The following LMBR1 variants were observed in gnomAD, a reference collection of about 807,000 sequenced individuals.
The protein encoded by LMBR1 is limb region 1 protein homolog.
A neutral mutation model predicts 73.9 loss-of-function variants in LMBR1; 52 were observed. That is an observed-to-expected ratio of 0.70 (90% CI 0.56 to 0.89). The LOEUF is 0.89. Among genes scored for constraint, LMBR1 ranks in the 40% least tolerant of loss-of-function variants. The pLI, the probability that LMBR1 is intolerant of heterozygous loss-of-function variation, is 0.00. For synonymous variants in LMBR1, 215 were observed against 209.4 expected (o/e 1.03, Z -0.23); for missense variants, 539 against 579.8 (o/e 0.93, Z 0.72).
intron 3 of LMBR1, among the ~76,000 whole-genome samples, chr7:156,831,645 G>A (rs762007413): frequency 1.3e-5 from 2 of 152,018 alleles, no homozygotes; most frequent in Non-Finnish European, 2.9e-5. Flanking sequence ...GAAACCACCC[G>A]TGACTCGGAA....
At chr7:156,820,924 G>A (rs1003850942) in intron 4 of LMBR1, among the ~76,000 whole-genome samples, 2 of 152,218 alleles carry the variant, frequency 1.3e-5, no homozygotes, top group Non-Finnish European at 2.9e-5. Context: ...GCCTTTGGCA[G>A]GTTCCTCTCA....
intron 5 of LMBR1, among the ~76,000 whole-genome samples, chr7:156,786,207 G>A (rs1828055580): frequency 6.9e-6 from 1 of 145,522 alleles, no homozygotes; most frequent in African/African-American, 2.6e-5. Flanking sequence ...GGGAAGGGAA[G>A]GGAAGGAAGG....
chr7:156,760,246 G>A (rs1263560721), intron 8 of LMBR1, among the ~76,000 whole-genome samples: 1 of 152,002 alleles, frequency 6.6e-6, no homozygotes, highest in Non-Finnish European at 1.5e-5. Context: ...AAAAACTTGG[G>A]GTTCACTATA....
chr7:156,844,329 A>C (rs61414661), intron 1 of LMBR1, among the ~76,000 whole-genome samples: 3,055 of 152,136 alleles, frequency 0.02, 108 homozygotes, highest in African/African-American at 0.069. Flanking sequence ...GTCTCACACA[A>C]AAAAAAGCTA....
At chr7:156,843,892 G>C (rs1839157131) in intron 1 of LMBR1, among the ~76,000 whole-genome samples, 1 of 151,032 alleles carries the variant, frequency 6.6e-6, no homozygotes, top group Non-Finnish European at 1.5e-5. Flanking sequence ...AGTGGTAGAT[G>C]AGAAAGCATG....
intron 4 of LMBR1, among the ~76,000 whole-genome samples, chr7:156,808,615 T>C (rs193286954): frequency 2.6e-4 from 39 of 152,336 alleles, no homozygotes; most frequent in Non-Finnish European, 4.0e-4. Flanking sequence ...ATCAACTTGC[T>C]TTTTGTTTTC....
At chr7:156,757,158 G>A (rs11773190) in intron 8 of LMBR1, among the ~76,000 whole-genome samples, 6,375 of 152,136 alleles carry the variant, frequency 0.042, 182 homozygotes, top group Non-Finnish European at 0.05. Context: ...AGCTAACTAC[G>A]GTAAATAACT....
intron 1 of LMBR1, among the ~76,000 whole-genome samples, chr7:156,861,322 CCT>C (rs1797686209): frequency 6.6e-6 from 1 of 152,194 alleles, no homozygotes; most frequent in African/African-American, 2.4e-5. Flanking sequence ...TTGTTTGGCC[CCT>C]TTTAGTCACA....
chr7:156,834,536 G>A (rs964902100), intron 2 of LMBR1: 7 of 316,796 alleles, frequency 2.2e-5, no homozygotes, highest in Non-Finnish European at 3.9e-5. Flanking sequence ...CCAGGAGGTC[G>A]AGGCTACAGT....
intron 15 of LMBR1, among the ~76,000 whole-genome samples, chr7:156,701,292 A>G (rs142415384): frequency 1.3e-5 from 2 of 152,354 alleles, no homozygotes; most frequent in East Asian, 1.9e-4. Context: ...GTTGTAAACA[A>G]CTCAAAGGTC....
intron 15 of LMBR1, among the ~76,000 whole-genome samples, chr7:156,710,485 G>T (rs904054494): frequency 1.3e-5 from 2 of 152,078 alleles, no homozygotes; most frequent in African/African-American, 2.4e-5. Flanking sequence ...AAAGAAAAAA[G>T]AATTTAAAAA....
At chr7:156,838,814 T>C (rs1838129946) in intron 1 of LMBR1, among the ~76,000 whole-genome samples, 1 of 152,178 alleles carries the variant, frequency 6.6e-6, no homozygotes, top group Admixed American at 6.5e-5. Flanking sequence ...ATAACGGCCA[T>C]ACTAATTTGC....
intron 1 of LMBR1, among the ~76,000 whole-genome samples, chr7:156,858,864 G>A (rs1000100545): frequency 2.0e-5 from 3 of 151,930 alleles, no homozygotes; most frequent in South Asian, 2.1e-4. Context: ...AGCCATTCAT[G>A]ATCAAGATTC....
At chr7:156,841,650 G>T (rs540696486) in intron 1 of LMBR1, among the ~76,000 whole-genome samples, 1 of 152,248 alleles carries the variant, frequency 6.6e-6, no homozygotes, top group Non-Finnish European at 1.5e-5. Flanking sequence ...CTGCTGACAG[G>T]CCAAGAAAGA....
intron 10 of LMBR1, among the ~76,000 whole-genome samples, chr7:156,730,430 T>A (rs1816625113): frequency 6.6e-6 from 1 of 152,040 alleles, no homozygotes; most frequent in African/African-American, 2.4e-5. Flanking sequence ...TATATCCTAG[T>A]ATGAAGGAAG....
chr7:156,892,805 C>A, intron 1 of LMBR1, 123 bp downstream of exon 1: 1 of 384,772 alleles, frequency 2.6e-6, no homozygotes, highest in Non-Finnish European at 3.8e-6. Flanking sequence ...CGGCAGAGGC[C>A]GGGGCGGGAG....
At chr7:156,703,419 G>A (rs895264088) in intron 15 of LMBR1, among the ~76,000 whole-genome samples, 13 of 152,174 alleles carry the variant, frequency 8.5e-5, no homozygotes, top group African/African-American at 2.9e-4. Context: ...GCCAGGATGG[G>A]GGCTGGGTGG....
rs1804850897 is a variant in LMBR1, at chr7:156,680,434, A to G, written c.*3644T>C. The G allele has an allele frequency of 7.2e-6, 1 of 138,820 alleles. No individual in the cohort carries two copies. The allele number at this position is 138,820 out of a possible 1,614,324, so 8.6% of individuals were successfully genotyped here. ...TGTGTGTGTGTGTGTGTAATGGGTTATTTCTTACTGTGGTCAAAAAGTTGA... is the reference window on the plus strand; with the variant it reads ...TGTGTGTGTGTGTGTGTAATGGGTTGTTTCTTACTGTGGTCAAAAAGTTGA... On this transcript the variant is annotated 3_prime_UTR_variant, in exon 17 of 17. Coordinates refer to ENST00000353442, the MANE Select transcript of LMBR1 (RefSeq NM_022458.4).
chr7:156,718,974 G>A (rs907419368), intron 15 of LMBR1, among the ~76,000 whole-genome samples: 1 of 151,888 alleles, frequency 6.6e-6, no homozygotes, highest in African/African-American at 2.4e-5. Flanking sequence ...ATGGTGGTCT[G>A]GGCAATGATT....
Sources: allele counts gnomAD v4.1 joint callset (sites outside exome capture counted in the v4.1 genomes callset), GRCh38; gene constraint gnomAD v4.1.1; transcripts MANE v1.5; gene names NCBI Gene and HGNC (gene_info 2026-07-23, HGNC 2026-07-21).